Variants in KITLG observed in about 807,000 individuals in gnomAD.
KITLG encodes the protein c-Kit ligand.
In KITLG, 13 loss-of-function variants were observed where a neutral mutation model predicts 34.1. The ratio of observed to expected loss-of-function variants is 0.38; its 90% CI spans 0.25 to 0.61. The LOEUF (loss-of-function observed/expected upper bound fraction) is 0.61, where lower values mean the gene tolerates loss of function less well. Ranked by LOEUF, KITLG falls within the 20% of genes least tolerant of loss-of-function variation. The pLI is 0.60. For synonymous variants in KITLG, 110 were observed against 104.0 expected, an observed-to-expected ratio of 1.06 and a Z score of -0.35; for missense variants, 292 against 318.9, an observed-to-expected ratio of 0.92 and a Z score of 0.64.
chr12:88,506,210 T>C (rs113286288), intron 8 of KITLG, 101 bp downstream of exon 8: 4 of 820,980 alleles, frequency 4.9e-6, no homozygotes, highest in African/African-American at 1.7e-5. Context: ...GGAGCTACTG[T>C]CATGAGTGAA....
chr12:88,570,497 T>A (rs775649966), intron 1 of KITLG, among the ~76,000 whole-genome samples: 3 of 151,318 alleles, frequency 2.0e-5, no homozygotes, highest in Non-Finnish European at 4.4e-5. Flanking sequence ...AAATTGCATC[T>A]TCTTCTCCAC....
Position 88,538,680 on chromosome 12 carries a change from A to G in KITLG, c.130-6177T>C, listed in dbSNP as rs984464185. Among the ~76,000 whole-genome samples the G allele has an allele frequency of 1.6e-4, 24 of 152,230 alleles. 1 individual carries two copies. In the Middle Eastern group the frequency reaches 0.01, roughly 65 times the overall value. ...GAACCAGGTCTAGAGTCCAGGGAGT[A>G]TTCCCTATTGGTAGGGTTAAGTGGA... On this transcript the variant is annotated intron_variant, in intron 2 of 9. Coordinates refer to ENST00000644744, the MANE Select transcript of KITLG (RefSeq NM_000899.5).
At chr12:88,509,105 G>T (rs1236554175) in intron 6 of KITLG, among the ~76,000 whole-genome samples, 1 of 152,104 alleles carries the variant, frequency 6.6e-6, no homozygotes. Flanking sequence ...TCCTTAAGAG[G>T]CCATAATCAA....
chr12:88,566,472 A>G (rs1208598912), intron 1 of KITLG, among the ~76,000 whole-genome samples: 1 of 152,216 alleles, frequency 6.6e-6, no homozygotes, highest in East Asian at 1.9e-4. Flanking sequence ...ACAGGAGCTC[A>G]GGGTAAGATC....
intron 1 of KITLG, among the ~76,000 whole-genome samples, chr12:88,570,190 G>A (rs1871598751): frequency 6.6e-6 from 1 of 152,142 alleles, no homozygotes; most frequent in African/African-American, 2.4e-5. Flanking sequence ...AAGACAGAAA[G>A]CTTTTTGGCA....
At chr12:88,508,556 CGTGTGTGT>C (rs139771009) in intron 6 of KITLG, among the ~76,000 whole-genome samples, 1 of 147,604 alleles carries the variant, frequency 6.8e-6, no homozygotes, top group Non-Finnish European at 1.5e-5. Context: ...TGTGTGCTCA[CGTGTGTGT>C]GTGTGTGTGT....
In KITLG at chr12:88,515,559, A is replaced by G. The variant is rs1566020939; in HGVS notation, c.579T>C (p.Leu193=). 1 of 1,610,458 alleles carries G rather than the reference A, an allele frequency of 6.2e-7. No individual in the cohort carries two copies. The highest frequency in any genetic ancestry group is 8.5e-7 in the Non-Finnish European group (1 of 1,177,126). ...FMLPPVAASS[L]RNDSSSSNRK... Reference sequence around the variant, plus strand: ...TATTACTGCTACTGCTGTCATTCCTAAGGGAGCTGGCTGCAACAGGGGGTA... The same window carrying G: ...TATTACTGCTACTGCTGTCATTCCTGAGGGAGCTGGCTGCAACAGGGGGTA... The change falls in exon 6 of 10, where the codon CTT becomes CTC. Residue 193 remains leucine (L), a synonymous_variant. Coordinates refer to ENST00000644744, the MANE Select transcript of KITLG (RefSeq NM_000899.5).
At chr12:88,513,381 G>A (rs529528477) in intron 6 of KITLG, among the ~76,000 whole-genome samples, 1 of 151,146 alleles carries the variant, frequency 6.6e-6, no homozygotes, top group Non-Finnish European at 1.5e-5. Flanking sequence ...TACACAAATG[G>A]GACAGATAAA....
At chr12:88,516,745 A>G (rs547618705) in intron 4 of KITLG, among the ~76,000 whole-genome samples, 2 of 150,662 alleles carry the variant, frequency 1.3e-5, no homozygotes, top group East Asian at 3.9e-4. Flanking sequence ...TAACCTTAAA[A>G]ACAAGCTGGG....
At position 88,544,012 on chromosome 12, in the gene KITLG, T is replaced by C. The variant is rs1240298051; in HGVS notation, c.129+1740A>G. ...ATTTATTGATAAATGAATTTAGGCA[T>C]GGGCGTAAGTAGTCAGATGGGAGCT... On this transcript the variant is annotated intron_variant, in intron 2 of 9. Coordinates refer to ENST00000644744, the MANE Select transcript of KITLG (RefSeq NM_000899.5). 2.6e-5 allele frequency among the ~76,000 whole-genome samples: 4 copies of C among 152,276 alleles called. No homozygotes were observed. The East Asian group carries it at 7.7e-4, about 29-fold the overall frequency.
At chr12:88,552,915 C>T (rs1870967760) in intron 1 of KITLG, among the ~76,000 whole-genome samples, 1 of 152,132 alleles carries the variant, frequency 6.6e-6, no homozygotes, top group Non-Finnish European at 1.5e-5. Context: ...TTTTGCCTTA[C>T]CCATCTCATG....
chr12:88,512,075 C>T (rs1008581912), intron 6 of KITLG, among the ~76,000 whole-genome samples: 1 of 152,092 alleles, frequency 6.6e-6, no homozygotes, highest in Non-Finnish European at 1.5e-5. Context: ...TAGACATCAA[C>T]TCTGAGATGA....
At chr12:88,564,053 CTTGTTA>C in intron 1 of KITLG, among the ~76,000 whole-genome samples, 1 of 152,172 alleles carries the variant, frequency 6.6e-6, no homozygotes, top group East Asian at 1.9e-4. Context: ...TGGCATCACA[CTTGTTA>C]TTGTTATCTC....
rs896856415 is a variant in KITLG, at chr12:88,556,776, A to G, written c.16-10911T>C. Among the ~76,000 whole-genome samples the G allele has an allele frequency of 1.1e-3, 163 of 152,326 alleles. 2 individuals are homozygous for G. Among genetic ancestry groups the G allele is most frequent in the African/African-American group, 3.8e-3 (156 of 41,572 alleles). Reference sequence around the variant, plus strand: ...ATGAACTATCTGTGTAGGAGATGAGAGAATGTGAAGCCAAATACATGAGAG... The same window carrying G: ...ATGAACTATCTGTGTAGGAGATGAGGGAATGTGAAGCCAAATACATGAGAG... On this transcript the variant is annotated intron_variant, in intron 1 of 9. Coordinates refer to ENST00000644744, the MANE Select transcript of KITLG (RefSeq NM_000899.5).
chr12:88,513,114 AAT>A (rs1304822961), intron 6 of KITLG, among the ~76,000 whole-genome samples: 1 of 151,890 alleles, frequency 6.6e-6, no homozygotes, highest in Non-Finnish European at 1.5e-5. Flanking sequence ...TAGATATGTT[AAT>A]ATATGTCAAT....
intron 2 of KITLG, among the ~76,000 whole-genome samples, chr12:88,545,249 A>C (rs907143483): frequency 2.6e-5 from 4 of 152,166 alleles, no homozygotes; most frequent in Admixed American, 6.5e-5. Context: ...GTGGGCAATG[A>C]ATCACCTCTC....
At chr12:88,502,546 G>A (rs1355975334) in intron 9 of KITLG, among the ~76,000 whole-genome samples, 1 of 152,188 alleles carries the variant, frequency 6.6e-6, no homozygotes, top group Non-Finnish European at 1.5e-5. Context: ...GGTGTTGAGG[G>A]TACAGCAAGA....
At chr12:88,506,987 A>T in intron 7 of KITLG, 41 bp downstream of exon 7, 1 of 1,036,454 alleles carries the variant, frequency 9.6e-7, no homozygotes, top group Non-Finnish European at 1.5e-6. Context: ...TAATTTATGT[A>T]AACATAGCAT....
At chr12:88,566,596 T>G (rs1871451117) in intron 1 of KITLG, among the ~76,000 whole-genome samples, 1 of 152,266 alleles carries the variant, frequency 6.6e-6, no homozygotes, top group East Asian at 1.9e-4. Flanking sequence ...CTCAGGGCCT[T>G]GGAAACCAAG....
Sources: allele counts gnomAD v4.1 joint callset (sites outside exome capture counted in the v4.1 genomes callset), GRCh38; gene constraint gnomAD v4.1.1; transcripts MANE v1.5; gene names NCBI Gene and HGNC (gene_info 2026-07-23, HGNC 2026-07-21).